The following UNC5D variants were observed in gnomAD, a reference collection of about 807,000 sequenced individuals.
The protein encoded by UNC5D is netrin receptor UNC5D.
In UNC5D, 39 loss-of-function variants were observed where a neutral mutation model predicts 105.4. The observed-to-expected ratio is 0.37, with a 90% CI of 0.29 to 0.48. UNC5D has a LOEUF of 0.48. Among genes scored for constraint, UNC5D ranks in the 20% least tolerant of loss-of-function variants. The pLI is 0.98. For missense variants in UNC5D, 991 were observed against 1,202.4 expected (o/e 0.82, Z 2.60); for synonymous variants, 452 against 450.4 (o/e 1.00, Z -0.04).
chr8:35,307,778 C>G (rs1240300197), intron 1 of UNC5D, among the ~76,000 whole-genome samples: 1 of 152,058 alleles, frequency 6.6e-6, no homozygotes, highest in Non-Finnish European at 1.5e-5. Flanking sequence ...ACCTTGCCTT[C>G]CTACACATGC....
chr8:35,697,221 C>T lies in UNC5D; in HGVS notation c.1085-8708C>T, dbSNP rs140905665. On this transcript the variant is annotated intron_variant, in intron 7 of 16. Coordinates refer to ENST00000404895, the MANE Select transcript of UNC5D (RefSeq NM_080872.4). The stretch of plus-strand genomic sequence containing the variant: ...ACATATAAAGTATGAATATACATTG[C>T]AGCTATATATTTACCAGCTTCCAGA... Among the ~76,000 whole-genome samples the T allele has an allele frequency of 6.9e-3, 1,045 of 151,680 alleles. 9 individuals are homozygous for T. The highest frequency in any genetic ancestry group is 0.024 in the African/African-American group (995 of 41,334).
chr8:35,274,992 G>C (rs1805675671), intron 1 of UNC5D, among the ~76,000 whole-genome samples: 1 of 151,926 alleles, frequency 6.6e-6, no homozygotes, highest in South Asian at 2.1e-4. Flanking sequence ...TCAGGAGGCT[G>C]AGGCAGGAGA....
chr8:35,404,568 A>T (rs1405464409), intron 1 of UNC5D, among the ~76,000 whole-genome samples: 4 of 152,142 alleles, frequency 2.6e-5, no homozygotes, highest in Non-Finnish European at 5.9e-5. Context: ...TAGAATCTCC[A>T]CTTCAACAAG....
chr8:35,567,007 G>T (rs1817389586), intron 2 of UNC5D, among the ~76,000 whole-genome samples: 1 of 151,744 alleles, frequency 6.6e-6, no homozygotes, highest in Non-Finnish European at 1.5e-5. Flanking sequence ...AGGTGGAGAA[G>T]AAGCTCATGC....
intron 1 of UNC5D, among the ~76,000 whole-genome samples, chr8:35,253,846 T>G (rs1179454651): frequency 1.3e-5 from 2 of 152,170 alleles, no homozygotes; most frequent in African/African-American, 4.8e-5. Flanking sequence ...GAGGAGCTTC[T>G]TCTTTCTCTA....
intron 1 of UNC5D, among the ~76,000 whole-genome samples, chr8:35,511,931 G>A (rs1247082369): frequency 6.6e-6 from 1 of 152,106 alleles, no homozygotes; most frequent in Non-Finnish European, 1.5e-5. Context: ...GCTATTCGAA[G>A]GTGGAGATGG....
intron 1 of UNC5D, among the ~76,000 whole-genome samples, chr8:35,322,004 G>A (rs1331980265): frequency 1.3e-5 from 2 of 152,156 alleles, no homozygotes; most frequent in Admixed American, 6.6e-5. Context: ...TGAGAAATGC[G>A]TTATGAATTT....
chr8:35,274,698 T>C (rs957754210), intron 1 of UNC5D, among the ~76,000 whole-genome samples: 13 of 152,350 alleles, frequency 8.5e-5, no homozygotes, highest in Admixed American at 5.9e-4. Context: ...AGCTTTATGA[T>C]GTAAAAGTTT....
chr8:35,408,559 C>T (rs895334144), intron 1 of UNC5D, among the ~76,000 whole-genome samples: 3 of 151,242 alleles, frequency 2.0e-5, no homozygotes, highest in South Asian at 2.1e-4. Context: ...GCTGACGTTT[C>T]GCTGCTTGTT....
At chr8:35,445,131 C>T (rs190953002) in intron 1 of UNC5D, among the ~76,000 whole-genome samples, 1 of 152,066 alleles carries the variant, frequency 6.6e-6, no homozygotes, top group Non-Finnish European at 1.5e-5. Context: ...TAGCCCCCAA[C>T]TTCCTGCCTC....
At chr8:35,242,114 C>T (rs553126049) in intron 1 of UNC5D, among the ~76,000 whole-genome samples, 2 of 152,294 alleles carry the variant, frequency 1.3e-5, no homozygotes, top group South Asian at 4.1e-4. Context: ...AAAGAACCCT[C>T]CTTCCCAGAA....
intron 1 of UNC5D, among the ~76,000 whole-genome samples, chr8:35,245,766 A>C (rs933603604): frequency 6.6e-6 from 1 of 152,150 alleles, no homozygotes; most frequent in African/African-American, 2.4e-5. Flanking sequence ...AATTATTAAT[A>C]ATTGTCAAGG....
In UNC5D at chr8:35,399,099, G is replaced by C. The variant is rs113661372; in HGVS notation, c.104-150193G>C. Among the ~76,000 whole-genome samples the C allele has an allele frequency of 6.4e-3, 873 of 136,234 alleles. 10 individuals carry two copies. Among genetic ancestry groups the C allele is most frequent in the African/African-American group, 0.023 (838 of 35,666 alleles). 89.4% of individuals were successfully genotyped at this position (136,234 alleles called of 152,430 possible). On this transcript the variant is annotated intron_variant, in intron 1 of 16. Transcript: ENST00000404895. ...GTCAGAGGTTGCAGTGGGGCGAGAT[G>C]ACACGACTGTACTCCAGCCTGGGTG...
chr8:35,666,587 G>A (rs1824435439), intron 4 of UNC5D, among the ~76,000 whole-genome samples: 1 of 152,030 alleles, frequency 6.6e-6, no homozygotes, highest in Non-Finnish European at 1.5e-5. Context: ...AGGATAAACT[G>A]GATAGAAACA....
chr8:35,693,323 C>T (rs977475759), intron 7 of UNC5D, among the ~76,000 whole-genome samples: 3 of 152,082 alleles, frequency 2.0e-5, no homozygotes, highest in African/African-American at 7.2e-5. Flanking sequence ...AACAAATTAC[C>T]GTAACGCTTC....
intron 1 of UNC5D, among the ~76,000 whole-genome samples, chr8:35,441,888 T>C (rs564211903): frequency 6.6e-6 from 1 of 151,670 alleles, no homozygotes; most frequent in Non-Finnish European, 1.5e-5. Context: ...CAGAAATTCT[T>C]TAAGGGGTTT....
At chr8:35,363,827 A>G (rs142511040) in intron 1 of UNC5D, among the ~76,000 whole-genome samples, 1,803 of 152,206 alleles carry the variant, frequency 0.012, 39 homozygotes, top group African/African-American at 0.042. Context: ...TTTAGCATCT[A>G]GTGATGATTC....
chr8:35,391,681 C>T (rs1342867475), intron 1 of UNC5D, among the ~76,000 whole-genome samples: 7 of 152,088 alleles, frequency 4.6e-5, no homozygotes, highest in Admixed American at 4.6e-4. Flanking sequence ...GTTTTCATAG[C>T]CTCTCAAAAA....
At chr8:35,361,323 C>T (rs1801838564) in intron 1 of UNC5D, among the ~76,000 whole-genome samples, 1 of 152,064 alleles carries the variant, frequency 6.6e-6, no homozygotes, top group South Asian at 2.1e-4. Context: ...TGTATGATGT[C>T]TAAGAAGACC....
Sources: gnomAD v4.1 joint callset for allele counts (sites outside exome capture counted in the v4.1 genomes callset) on GRCh38, gnomAD v4.1.1 for gene constraint, MANE v1.5 for transcripts, NCBI Gene and HGNC (gene_info 2026-07-23, HGNC 2026-07-21) for gene names.